Variants in PDE6B observed in about 807,000 individuals in gnomAD.
PDE6B encodes the protein phosphodiesterase 6B.
A neutral mutation model predicts 109.0 loss-of-function variants in PDE6B; 106 were observed. That is an observed-to-expected ratio of 0.97 (90% confidence interval 0.83 to 1.14). The LOEUF is 1.14. Among genes scored for constraint, PDE6B ranks in the 50% most tolerant of loss-of-function variants. The pLI, the probability that PDE6B is intolerant of heterozygous loss-of-function variation, is 0.00. For missense variants in PDE6B, 1,193 were observed against 1,155.6 expected (o/e 1.03, Z -0.47); for synonymous variants, 490 against 471.3 (o/e 1.04, Z -0.51).
intron 17 of PDE6B, 63 bp from the exon 18 acceptor site, chr4:664,818 A>G: frequency 7.8e-7 from 1 of 1,277,234 alleles, no homozygotes; most frequent in Non-Finnish European, 1.1e-6. Context: ...AAAAGAAAAC[A>G]CATATAAACC....
At chr4:635,858 C>T (rs749164650) in intron 2 of PDE6B, 22 bp from the exon 3 acceptor site, 29 of 1,269,210 alleles carry the variant, frequency 2.3e-5, no homozygotes, top group Non-Finnish European at 3.2e-5. Context: ...TTTAATTCCT[C>T]TTGTTGCAAT....
Position 662,536 on chromosome 4 carries a change from G to A in PDE6B, c.1750G>A (p.Asp584Asn). Residue 584 changes from aspartate to asparagine, a missense_variant, in exon 14 of 22, where the codon GAC (aspartate) becomes AAC (asparagine). Asp to Asn is a conservative substitution (Grantham distance 23). Coordinates refer to ENST00000496514, the MANE Select transcript of PDE6B (RefSeq NM_000283.4). The surrounding 1 kb of genome is among the most constrained non-coding windows in gnomAD (Gnocchi z 4.3). ...CGGCAAACTGAAGAGCTACTACACG[G>A]ACCTGGAGGCCTTCGCCATGGTGAC... The part of the protein sequence containing the change: ...MTGKLKSYYT[D>N]LEAFAMVTAG... 2 of 1,612,868 alleles carry A rather than the reference G, an allele frequency of 1.2e-6. No individual in the cohort carries two copies. The highest frequency in any genetic ancestry group is 1.7e-6 in the Non-Finnish European group (2 of 1,179,618).
At chr4:651,995 C>CCAGGGCGGCTCCACGACGGTGACTGGGGT (rs1322331335) in intron 3 of PDE6B, 14 of 179,278 alleles carry the variant, frequency 7.8e-5, no homozygotes, top group South Asian at 4.9e-4. Context: ...GTGACTGCGG[C>CCAGGGCGGCTCCACGACGGTGACTGGGGT]CAGGGCGGCT....
At position 626,850 on chromosome 4, in the gene PDE6B, A is replaced by T. The variant is rs1334770679; in HGVS notation, c.468+756A>T. Among the ~76,000 whole-genome samples the T allele has an allele frequency of 6.6e-6, 1 of 152,196 alleles. No homozygotes were observed. The highest frequency in any genetic ancestry group is 2.4e-5 in the African/African-American group (1 of 41,454). ...ACAAGAGGGGTGTGAGGTGCCTGCC[A>T]GACTGGGTGAGGGCAGCGGCCAGCA... On this transcript the variant is annotated intron_variant, in intron 1 of 21. Transcript: ENST00000496514. This position sits in a 1 kb window ranked among gnomAD's most constrained non-coding sequence, Gnocchi z 4.6.
Position 636,057 on chromosome 4 carries a change from G to A in PDE6B, c.711+88G>A, listed in dbSNP as rs921415566. ...CCTGCACAGAGGCGGGTGGTGGCAGGTGGTCTTGTGCTCACCTGGGTAGGT... is the reference window on the plus strand; with the variant it reads ...CCTGCACAGAGGCGGGTGGTGGCAGATGGTCTTGTGCTCACCTGGGTAGGT... On this transcript the variant is annotated intron_variant, in intron 3 of 21. Transcript: ENST00000496514. The surrounding 1 kb of genome is among the most constrained non-coding windows in gnomAD (Gnocchi z 4.5). The A allele has an allele frequency of 4.9e-6, 4 of 808,980 alleles. No homozygotes were observed. The highest frequency in any genetic ancestry group is 1.7e-5 in the African/African-American group (1 of 60,024). 50.1% of individuals were successfully genotyped at this position (808,980 alleles called of 1,614,324 possible). A position where few individuals can be genotyped will look rare whatever the true frequency, so the allele number is the denominator to read the frequency against.
In PDE6B at chr4:660,611, G is replaced by A. The variant is rs147847379; in HGVS notation, c.1612G>A (p.Glu538Lys). 6.2e-6 allele frequency: 10 copies of A among 1,613,592 alleles called. No homozygotes were observed. The highest frequency in any genetic ancestry group is 4.4e-5 in the South Asian group (4 of 91,072). ...GGTCCGAAAGTTCCAGATCCCCCAG[G>A]AGGTGGGAGACACCGCAGGGCGCAT... is the stretch of plus-strand genomic sequence containing the variant. ...GVVRKFQIPQ[E>K]VLVRFLFSIS... Residue 538 changes from glutamate to lysine, a missense_variant and splice_region_variant, in exon 12 of 22, where the codon GAG (glutamate) becomes AAG (lysine). Glu to Lys is a moderately conservative substitution (Grantham distance 56). Coordinates refer to ENST00000496514, the MANE Select transcript of PDE6B (RefSeq NM_000283.4).
chr4:663,795 A>G lies in PDE6B; in HGVS notation c.1946A>G (p.Asn649Ser). The G allele has an allele frequency of 6.2e-7, 1 of 1,612,086 alleles. No homozygotes were observed. The highest frequency in any genetic ancestry group is 8.5e-7 in the Non-Finnish European group (1 of 1,179,222). ...ACCCTGAACATCTACCAGAACCTGAACCGGCGGCAGCACGAGCACGTGATC... is the reference window on the plus strand; with the variant it reads ...ACCCTGAACATCTACCAGAACCTGAGCCGGCGGCAGCACGAGCACGTGATC... ...EETLNIYQNL[N>S]RRQHEHVIHL... Residue 649 changes from asparagine (N) to serine (S), a missense_variant, in exon 16 of 22, where the codon AAC becomes AGC. Asn to Ser is a conservative substitution (Grantham distance 46). Coordinates refer to ENST00000496514, the MANE Select transcript of PDE6B (RefSeq NM_000283.4). The surrounding 1 kb of genome is among the most constrained non-coding windows in gnomAD (Gnocchi z 4.0).
chr4:629,305 T>C (rs962891082), intron 1 of PDE6B, among the ~76,000 whole-genome samples: 1 of 152,152 alleles, frequency 6.6e-6, no homozygotes, highest in Non-Finnish European at 1.5e-5. Flanking sequence ...CATCACCCCT[T>C]TGTGGCTCCT....
At chr4:637,394 T>C (rs1476070276) in intron 3 of PDE6B, among the ~76,000 whole-genome samples, 3 of 152,118 alleles carry the variant, frequency 2.0e-5, no homozygotes, top group Non-Finnish European at 4.4e-5. Flanking sequence ...CTAATTTTTG[T>C]ATTTCTAGTA....
intron 10 of PDE6B, 141 bp from the exon 11 acceptor site, chr4:658,811 A>G (rs2109230514): frequency 1.4e-6 from 1 of 698,212 alleles, no homozygotes. Flanking sequence ...TCTCCAGATC[A>G]GAGGCCGCCA....
intron 12 of PDE6B, 81 bp downstream of exon 12, chr4:660,694 G>A: frequency 7.8e-7 from 1 of 1,281,766 alleles, no homozygotes; most frequent in Non-Finnish European, 1.1e-6. Context: ...AGGGCCTCAG[G>A]TGCCCCAGAA....
At position 663,076 on chromosome 4, in the gene PDE6B, T is replaced by C. The variant is rs771702679; in HGVS notation, c.1833-24T>C. ...GGGCCAAGGGCAGGTCCCACGGGCCTCACCTCCACCACCTGTGTAACAGGT... is the reference window on the plus strand; with the variant it reads ...GGGCCAAGGGCAGGTCCCACGGGCCCCACCTCCACCACCTGTGTAACAGGT... On this transcript the variant is annotated intron_variant, in intron 14 of 21. Coordinates refer to ENST00000496514, the MANE Select transcript of PDE6B (RefSeq NM_000283.4). The surrounding 1 kb of genome is among the most constrained non-coding windows in gnomAD (Gnocchi z 4.0). 2.1e-5 allele frequency: 31 copies of C among 1,454,894 alleles called. No individual in the cohort carries two copies. The highest frequency in any genetic ancestry group is 3.0e-5 in the Non-Finnish European group (31 of 1,034,982). The allele number at this position is 1,454,894 out of a possible 1,614,324, so 90.1% of individuals were successfully genotyped here.
chr4:655,501 A>G (rs1208154251), intron 6 of PDE6B: 2 of 337,752 alleles, frequency 5.9e-6, no homozygotes, highest in East Asian at 1.6e-4. Flanking sequence ...GAGTCCTAGA[A>G]AGCAGGCTGA....
At chr4:657,515 CA>C in intron 10 of PDE6B, 21 bp downstream of exon 10, 1 of 1,465,380 alleles carries the variant, frequency 6.8e-7, no homozygotes, top group African/African-American at 1.4e-5. Flanking sequence ...GCAGGACGTC[CA>C]GGGGTCACCC....
rs757871336 is a variant in PDE6B, at chr4:636,010, G to C, written c.711+41G>C. 6 of 1,193,408 alleles carry C rather than the reference G, an allele frequency of 5.0e-6. No individual in the cohort carries two copies. In the Admixed American group the frequency reaches 1.0e-4, roughly 20 times the overall value. 73.9% of individuals were successfully genotyped at this position (1,193,408 alleles called of 1,614,324 possible). ...GCACAGCTCTGCCCACGAGGGCCAG[G>C]GTCCCTCCGCCCATCTCGCTGCCTG... On this transcript the variant is annotated intron_variant, in intron 3 of 21. Coordinates refer to ENST00000496514, the MANE Select transcript of PDE6B (RefSeq NM_000283.4). This position sits in a 1 kb window ranked among gnomAD's most constrained non-coding sequence, Gnocchi z 4.5.
chr4:653,515 G>A, intron 3 of PDE6B: 2 of 484,650 alleles, frequency 4.1e-6, no homozygotes, highest in Non-Finnish European at 7.2e-6. Flanking sequence ...CGCCGCAGGT[G>A]GTTCTGGAGC....
chr4:666,566 C>T lies in PDE6B; in HGVS notation c.2304C>T (p.Pro768=), dbSNP rs773040921. 6.2e-7 allele frequency: 1 copy of T among 1,613,294 alleles called. No homozygotes were observed. Among genetic ancestry groups the T allele is most frequent in the Admixed American group, 1.7e-5 (1 of 60,032 alleles). ...MMDRNKAAEL[P]KLQVGFIDFV... ...ACCGGAACAAGGCGGCCGAGCTCCCCAAGCTGCAAGTGGGCTTCATCGACT... is the reference window on the plus strand; with the variant it reads ...ACCGGAACAAGGCGGCCGAGCTCCCTAAGCTGCAAGTGGGCTTCATCGACT... Residue 768 remains proline (P), a synonymous_variant, in exon 20 of 22, where the codon CCC becomes CCT. Transcript: ENST00000496514. This position sits in a 1 kb window ranked among gnomAD's most constrained non-coding sequence, Gnocchi z 5.6.
At chr4:646,633 G>T (rs1735216325) in intron 3 of PDE6B, among the ~76,000 whole-genome samples, 1 of 152,074 alleles carries the variant, frequency 6.6e-6, no homozygotes, top group African/African-American at 2.4e-5. Context: ...CGCTCGCTCC[G>T]CTCGTGGTTC....
At chr4:628,961 A>G (rs1231112476) in intron 1 of PDE6B, among the ~76,000 whole-genome samples, 1 of 152,236 alleles carries the variant, frequency 6.6e-6, no homozygotes. Context: ...ACTGAGCACA[A>G]CCTTCCTGGA....
Sources: gnomAD v4.1 joint callset for allele counts (sites outside exome capture counted in the v4.1 genomes callset) on GRCh38, gnomAD v4.1.1 for gene constraint, Gnocchi (gnomAD v3.1) non-coding constraint, MANE v1.5 for transcripts, NCBI Gene and HGNC (gene_info 2026-07-23, HGNC 2026-07-21) for gene names.